Variants in GALNT13 observed in about 807,000 individuals in gnomAD.
The protein encoded by GALNT13 is polypeptide N-acetylgalactosaminyltransferase 13, also known as UDP-GalNAc:polypeptide N-acetylgalactosaminyltransferase 13.
GALNT13 carries 28 observed loss-of-function variants against 64.2 expected under a neutral mutation model. The observed-to-expected ratio is 0.44, with a 90% CI of 0.32 to 0.60. The LOEUF (loss-of-function observed/expected upper bound fraction) is 0.60, where lower values mean the gene tolerates loss of function less well. GALNT13 is among the 20% of genes least tolerant of loss of function. GALNT13 has a pLI of 0.05. For synonymous variants in GALNT13, 214 were observed against 224.6 expected (o/e 0.95, Z 0.42); for missense variants, 577 against 669.8 (o/e 0.86, Z 1.53).
intron 3 of GALNT13, among the ~76,000 whole-genome samples, chr2:153,957,725 G>T (rs1692666611): frequency 6.6e-6 from 1 of 152,268 alleles, no homozygotes; most frequent in East Asian, 1.9e-4. Context: ...AGGGGACTTA[G>T]GCAACTGCTA....
intron 3 of GALNT13, among the ~76,000 whole-genome samples, chr2:154,002,929 A>G (rs982308996): frequency 3.9e-5 from 6 of 152,198 alleles, no homozygotes; most frequent in Non-Finnish European, 8.8e-5. Context: ...CATGCTGAGG[A>G]TGACTTATTG....
intron 3 of GALNT13, among the ~76,000 whole-genome samples, chr2:153,979,699 T>C (rs1294153459): frequency 6.6e-6 from 1 of 152,216 alleles, no homozygotes; most frequent in East Asian, 1.9e-4. Context: ...AAAACATTTA[T>C]AAGTATGATT....
At chr2:154,251,871 C>G (rs1413837691) in intron 7 of GALNT13, among the ~76,000 whole-genome samples, 1 of 152,010 alleles carries the variant, frequency 6.6e-6, no homozygotes, top group African/African-American at 2.4e-5. Flanking sequence ...ATTTCATTTC[C>G]TTTGGGTTCC....
chr2:153,176,075 T>C, the GALNT13 span, among the ~76,000 whole-genome samples: 6 of 152,132 alleles, frequency 3.9e-5, no homozygotes, highest in African/African-American at 1.4e-4. Context: ...AGTAAGCCAA[T>C]ATATCTGAAT....
At chr2:153,332,715 A>T in the GALNT13 span, among the ~76,000 whole-genome samples, 1 of 152,002 alleles carries the variant, frequency 6.6e-6, no homozygotes, top group Non-Finnish European at 1.5e-5. Context: ...CTGGGCATGG[A>T]GTGGAGAGGG....
At chr2:153,894,469 G>C (rs551958444) in intron 1 of GALNT13, among the ~76,000 whole-genome samples, 3 of 148,208 alleles carry the variant, frequency 2.0e-5, no homozygotes, top group Non-Finnish European at 4.5e-5. Context: ...TCATGCCTGT[G>C]ATCGAAAATA....
the GALNT13 span, among the ~76,000 whole-genome samples, chr2:153,205,482 A>G: frequency 2.6e-5 from 4 of 152,136 alleles, no homozygotes; most frequent in African/African-American, 9.7e-5. Flanking sequence ...AATTTGAATA[A>G]AAGTTTTAAT....
chr2:153,518,311 C>T, the GALNT13 span, among the ~76,000 whole-genome samples: 58 of 152,170 alleles, frequency 3.8e-4, no homozygotes, highest in Non-Finnish European at 7.8e-4. Context: ...TGCTGTACTG[C>T]ATGCTCTTTG....
At chr2:154,164,290 A>G (rs892684151) in intron 4 of GALNT13, among the ~76,000 whole-genome samples, 1 of 152,162 alleles carries the variant, frequency 6.6e-6, no homozygotes, top group African/African-American at 2.4e-5. Flanking sequence ...GATCACCCAA[A>G]AGGTGATCTT....
chr2:153,633,305 G>A, the GALNT13 span, among the ~76,000 whole-genome samples: 1 of 152,056 alleles, frequency 6.6e-6, no homozygotes, highest in African/African-American at 2.4e-5. Flanking sequence ...ACACAGCTGA[G>A]GATATAAAGT....
chr2:154,304,716 A>G (rs779183976), intron 9 of GALNT13, among the ~76,000 whole-genome samples: 1 of 152,208 alleles, frequency 6.6e-6, no homozygotes, highest in Non-Finnish European at 1.5e-5. Flanking sequence ...CACAATAGGG[A>G]CTGTTTGTAT....
chr2:154,142,188 A>G (rs1292997178), intron 4 of GALNT13, among the ~76,000 whole-genome samples: 3 of 152,174 alleles, frequency 2.0e-5, no homozygotes, highest in Admixed American at 6.5e-5. Flanking sequence ...ACATTACACT[A>G]CTGTGTCATG....
the GALNT13 span, among the ~76,000 whole-genome samples, chr2:153,695,436 T>C: frequency 6.6e-6 from 1 of 152,192 alleles, no homozygotes; most frequent in Non-Finnish European, 1.5e-5. Context: ...ACCTCTCTTC[T>C]GCACAGCAAC....
chr2:153,263,856 C>A, the GALNT13 span, among the ~76,000 whole-genome samples: 3 of 152,150 alleles, frequency 2.0e-5, no homozygotes, highest in Non-Finnish European at 4.4e-5. Context: ...AGAAGAAAAT[C>A]TAGGCAATAC....
At chr2:153,803,070 G>C in the GALNT13 span, among the ~76,000 whole-genome samples, 1 of 152,048 alleles carries the variant, frequency 6.6e-6, no homozygotes, top group Non-Finnish European at 1.5e-5. Flanking sequence ...TTCTTATTTT[G>C]ATGCCATCCT....
At chr2:153,922,231 C>T (rs1000411582) in intron 2 of GALNT13, among the ~76,000 whole-genome samples, 1 of 152,120 alleles carries the variant, frequency 6.6e-6, no homozygotes, top group African/African-American at 2.4e-5. Context: ...ATTTTCTTCT[C>T]AGTTTGAACA....
chr2:154,445,995 A>C (rs1574326432), intron 12 of GALNT13: 1 of 392,304 alleles, frequency 2.5e-6, no homozygotes, highest in Middle Eastern at 8.3e-4. Flanking sequence ...TCCCTTCATT[A>C]TCTACCTTTC....
intron 1 of GALNT13, among the ~76,000 whole-genome samples, chr2:153,892,868 C>A (rs1351348532): frequency 1.3e-5 from 2 of 151,978 alleles, no homozygotes; most frequent in African/African-American, 4.8e-5. Context: ...AAACCCATGA[C>A]AAAAACATTC....
At chr2:153,574,765 A>G in the GALNT13 span, among the ~76,000 whole-genome samples, 11 of 151,100 alleles carry the variant, frequency 7.3e-5, no homozygotes, top group East Asian at 9.8e-4. Context: ...CTTTGAATTC[A>G]GAATTCTGTG....
Sources: gnomAD v4.1 joint callset for allele counts (sites outside exome capture counted in the v4.1 genomes callset) on GRCh38, gnomAD v4.1.1 for gene constraint, MANE v1.5 for transcripts, NCBI Gene and HGNC (gene_info 2026-07-23, HGNC 2026-07-21) for gene names.